Variants in LRRC10B observed in about 807,000 individuals in gnomAD.
LRRC10B encodes the protein leucine rich repeat containing 10B.
For missense variants in LRRC10B, 389 were observed against 436.5 expected (o/e 0.89, Z 0.97); for synonymous variants, 204 against 221.5 (o/e 0.92, Z 0.70).
In LRRC10B at chr11:61,509,099, G is replaced by T; in HGVS notation, c.101G>T (p.Arg34Leu). 3 of 1,512,594 alleles carry T rather than the reference G, an allele frequency of 2.0e-6. No homozygotes were observed. Among genetic ancestry groups the T allele is most frequent in the Non-Finnish European group, 2.6e-6 (3 of 1,138,256 alleles). 93.7% of individuals were successfully genotyped at this position (1,512,594 alleles called of 1,614,324 possible). A position where few individuals can be genotyped will look rare whatever the true frequency, so the allele number is the denominator to read the frequency against. ...CTGGAGCTGAGCGGGCGGCGGTTGC[G>T]GCGGCTGCCCAGCGCAGTGTGCGCG... is the stretch of plus-strand genomic sequence containing the variant. ...QQLELSGRRL[R>L]RLPSAVCALS... The change falls in exon 1 of 1, where the codon CGG becomes CTG. Residue 34 changes from arginine to leucine, a missense_variant. Arg to Leu is a moderately radical substitution (Grantham distance 102). Transcript: ENST00000378075.
Position 61,509,847 on chromosome 11 carries a change from C to T in LRRC10B, c.849C>T (p.Ala283=), listed in dbSNP as rs938151575. The part of the protein sequence containing the change: ...ALGAPGGSFR[A]LEAAPGLGT ...GCGCCCCCGGGGGCAGCTTCCGCGCCCTGGAAGCCGCTCCAGGACTGGGCA... is the reference window on the plus strand; with the variant it reads ...GCGCCCCCGGGGGCAGCTTCCGCGCTCTGGAAGCCGCTCCAGGACTGGGCA... Residue 283 remains alanine, a synonymous_variant, in exon 1 of 1, where the codon GCC becomes GCT. Coordinates refer to ENST00000378075, the MANE Select transcript of LRRC10B (RefSeq NM_001145077.2). 1.3e-6 allele frequency: 2 copies of T among 1,529,410 alleles called. No homozygotes were observed. The highest frequency in any genetic ancestry group is 1.8e-6 in the Non-Finnish European group (2 of 1,140,858). The allele number at this position is 1,529,410 out of a possible 1,614,324, so 94.7% of individuals were successfully genotyped here.
rs2062078177 is a variant in LRRC10B at position 61,510,036 on chromosome 11, C to T, written c.*159C>T. 3 of 681,936 alleles carry T rather than the reference C, an allele frequency of 4.4e-6. No individual in the cohort carries two copies. Among genetic ancestry groups the T allele is most frequent in the Non-Finnish European group, 7.1e-6 (3 of 423,994 alleles). 42.2% of individuals were successfully genotyped at this position (681,936 alleles called of 1,614,324 possible). ...CACAGGCAGGGCTGGGGCTCATCTT[C>T]AGACACTCCTAGGTAGTAAGAGGAC... On this transcript the variant is annotated 3_prime_UTR_variant, in exon 1 of 1. Transcript: ENST00000378075.
chr11:61,509,544 C>G lies in LRRC10B; in HGVS notation c.546C>G (p.Gly182=). 1 of 1,517,716 alleles carries G rather than the reference C, an allele frequency of 6.6e-7. No individual in the cohort carries two copies. The highest frequency in any genetic ancestry group is 1.4e-5 in the African/African-American group (1 of 69,966). 94.0% of individuals were successfully genotyped at this position (1,517,716 alleles called of 1,614,324 possible). A position where few individuals can be genotyped will look rare whatever the true frequency, so the allele number is the denominator to read the frequency against. ...TCCCGCCCGCGCTGCTGCGCATGGGCCGCCTGCACATCCTCGACCTCGACC... is the reference window on the plus strand; with the variant it reads ...TCCCGCCCGCGCTGCTGCGCATGGGGCGCCTGCACATCCTCGACCTCGACC... ...EEFPPALLRM[G]RLHILDLDRN... Residue 182 remains glycine (G), a synonymous_variant, in exon 1 of 1, where the codon GGC becomes GGG. Transcript: ENST00000378075.
chr11:61,508,853 GC>G lies in LRRC10B; in HGVS notation c.-140del. ...GGGTGCCTCCTCCCGGCCCCGCACGGCCCCCCTCCCGGCGCGGGGGAAGGCC... is the reference window on the plus strand; with the variant it reads ...GGGTGCCTCCTCCCGGCCCCGCACGGCCCCCTCCCGGCGCGGGGGAAGGCC... On this transcript the variant is annotated 5_prime_UTR_variant, in exon 1 of 1. Transcript: ENST00000378075. 1 of 526,110 alleles carries G rather than the reference GC, an allele frequency of 1.9e-6. No homozygotes were observed. The highest frequency in any genetic ancestry group is 2.4e-6 in the Non-Finnish European group (1 of 411,986). The allele number at this position is 526,110 out of a possible 1,614,324, so 32.6% of individuals were successfully genotyped here.
chr11:61,509,138 A>G lies in LRRC10B; in HGVS notation c.140A>G (p.Gln47Arg), dbSNP rs758888758. The G allele has an allele frequency of 1.7e-4, 257 of 1,526,046 alleles. No homozygotes were observed. Among genetic ancestry groups the G allele is most frequent in the Non-Finnish European group, 2.1e-4 (238 of 1,143,338 alleles). The allele number at this position is 1,526,046 out of a possible 1,614,324, so 94.5% of individuals were successfully genotyped here. Residue 47 changes from glutamine (Q) to arginine (R), a missense_variant, in exon 1 of 1, where the codon CAG becomes CGG. Gln to Arg is a conservative substitution (Grantham distance 43). Coordinates refer to ENST00000378075, the MANE Select transcript of LRRC10B (RefSeq NM_001145077.2). ...PSAVCALSRL[Q>R]KLYVSGTGLR... ...GCAGTGTGCGCGCTGAGCCGCCTGC[A>G]GAAGCTGTATGTGAGCGGCACGGGG...
Position 61,509,098 on chromosome 11 carries a change from C to T in LRRC10B, c.100C>T (p.Arg34Trp). ...GCTGGAGCTGAGCGGGCGGCGGTTG[C>T]GGCGGCTGCCCAGCGCAGTGTGCGC... ...QQLELSGRRL[R>W]RLPSAVCALS... is the part of the protein sequence containing the mutation. Residue 34 changes from arginine to tryptophan, a missense_variant, in exon 1 of 1, where the codon CGG becomes TGG. Arg to Trp is a moderately radical substitution (Grantham distance 101). Transcript: ENST00000378075. The T allele has an allele frequency of 6.6e-7, 1 of 1,511,886 alleles. No homozygotes were observed. The highest frequency in any genetic ancestry group is 8.8e-7 in the Non-Finnish European group (1 of 1,137,870). The allele number at this position is 1,511,886 out of a possible 1,614,324, so 93.7% of individuals were successfully genotyped here. A position where few individuals can be genotyped will look rare whatever the true frequency, so the allele number is the denominator to read the frequency against.
Position 61,509,141 on chromosome 11 carries a change from A to G in LRRC10B, c.143A>G (p.Lys48Arg). 6.5e-7 allele frequency: 1 copy of G among 1,527,048 alleles called. No homozygotes were observed. The highest frequency in any genetic ancestry group is 1.4e-5 in the African/African-American group (1 of 71,404). 94.6% of individuals were successfully genotyped at this position (1,527,048 alleles called of 1,614,324 possible). Residue 48 changes from lysine (K) to arginine (R), a missense_variant, in exon 1 of 1, where the codon AAG becomes AGG. Lys to Arg is a conservative substitution (Grantham distance 26, BLOSUM62 2). Coordinates refer to ENST00000378075, the MANE Select transcript of LRRC10B (RefSeq NM_001145077.2). ...GTGTGCGCGCTGAGCCGCCTGCAGAAGCTGTATGTGAGCGGCACGGGGCTG... is the reference window on the plus strand; with the variant it reads ...GTGTGCGCGCTGAGCCGCCTGCAGAGGCTGTATGTGAGCGGCACGGGGCTG... ...SAVCALSRLQ[K>R]LYVSGTGLRE... is the part of the protein sequence containing the mutation.
chr11:61,508,984 C>T lies in LRRC10B; in HGVS notation c.-15C>T. 4 of 1,320,014 alleles carry T rather than the reference C, an allele frequency of 3.0e-6. No individual in the cohort carries two copies. The highest frequency in any genetic ancestry group is 3.9e-6 in the Non-Finnish European group (4 of 1,038,868). The allele number at this position is 1,320,014 out of a possible 1,614,324, so 81.8% of individuals were successfully genotyped here. A position where few individuals can be genotyped will look rare whatever the true frequency, so the allele number is the denominator to read the frequency against. ...GCGGTGGCAGTGGCGGCGGCCCCGGCCGGGGCCCGTGACCATGGGCATCGC... is the reference window on the plus strand; with the variant it reads ...GCGGTGGCAGTGGCGGCGGCCCCGGTCGGGGCCCGTGACCATGGGCATCGC... On this transcript the variant is annotated 5_prime_UTR_variant, in exon 1 of 1. Coordinates refer to ENST00000378075, the MANE Select transcript of LRRC10B (RefSeq NM_001145077.2).
rs2134965143 is a variant in LRRC10B, at chr11:61,510,391, G to A, written c.*514G>A. On this transcript the variant is annotated 3_prime_UTR_variant, in exon 1 of 1. Coordinates refer to ENST00000378075, the MANE Select transcript of LRRC10B (RefSeq NM_001145077.2). ...GGCTTGGAGTGGGGCTGGTGCCCGGGACAGAAGTGGGAAATAGATGGGGGC... is the reference window on the plus strand; with the variant it reads ...GGCTTGGAGTGGGGCTGGTGCCCGGAACAGAAGTGGGAAATAGATGGGGGC... 6.0e-6 allele frequency: 1 copy of A among 168,056 alleles called. No homozygotes were observed. The highest frequency in any genetic ancestry group is 2.1e-4 in the South Asian group (1 of 4,864). 10.4% of individuals were successfully genotyped at this position (168,056 alleles called of 1,614,324 possible).
Position 61,509,963 on chromosome 11 carries a change from G to T in LRRC10B, c.*86G>T, listed in dbSNP as rs1231558404. Reference sequence around the variant, plus strand: ...GCTGGTTAGGCCTGCGGGACTGGTGGGTCCCTACTTAGGTCAATGGAACGG... The same window carrying T: ...GCTGGTTAGGCCTGCGGGACTGGTGTGTCCCTACTTAGGTCAATGGAACGG... On this transcript the variant is annotated 3_prime_UTR_variant, in exon 1 of 1. Transcript: ENST00000378075. 1.5e-6 allele frequency: 2 copies of T among 1,349,850 alleles called. No homozygotes were observed. The highest frequency in any genetic ancestry group is 9.7e-7 in the Non-Finnish European group (1 of 1,026,918). 83.6% of individuals were successfully genotyped at this position (1,349,850 alleles called of 1,614,324 possible).
In LRRC10B at chr11:61,509,235, C is replaced by G; in HGVS notation, c.237C>G (p.Leu79=). The part of the protein sequence containing the change: ...LRILALDFNK[L]ERLPDGLCRL... ...TCCTGGCGCTGGACTTCAACAAGCT[C>G]GAGCGACTGCCTGACGGCCTGTGCC... The change falls in exon 1 of 1, where the codon CTC becomes CTG. Residue 79 remains leucine (L), a synonymous_variant. Coordinates refer to ENST00000378075, the MANE Select transcript of LRRC10B (RefSeq NM_001145077.2). The G allele has an allele frequency of 1.3e-6, 2 of 1,530,654 alleles. No homozygotes were observed. The highest frequency in any genetic ancestry group is 2.0e-5 in the Admixed American group (1 of 50,602). The allele number at this position is 1,530,654 out of a possible 1,614,324, so 94.8% of individuals were successfully genotyped here. A position where few individuals can be genotyped will look rare whatever the true frequency, so the allele number is the denominator to read the frequency against.
In LRRC10B at chr11:61,509,984, A is replaced by G. The variant is rs1361835073; in HGVS notation, c.*107A>G. 3 of 1,212,092 alleles carry G rather than the reference A, an allele frequency of 2.5e-6. No homozygotes were observed. Among genetic ancestry groups the G allele is most frequent in the Non-Finnish European group, 3.3e-6 (3 of 906,208 alleles). 75.1% of individuals were successfully genotyped at this position (1,212,092 alleles called of 1,614,324 possible). ...GGTGGGTCCCTACTTAGGTCAATGG[A>G]ACGGCTACTTTTGGCGAGTTGCCGG... On this transcript the variant is annotated 3_prime_UTR_variant, in exon 1 of 1. Transcript: ENST00000378075.
In LRRC10B at chr11:61,508,986, G is replaced by A; in HGVS notation, c.-13G>A. 1 of 1,241,578 alleles carries A rather than the reference G, an allele frequency of 8.1e-7. No homozygotes were observed. 76.9% of individuals were successfully genotyped at this position (1,241,578 alleles called of 1,614,324 possible). On this transcript the variant is annotated 5_prime_UTR_variant, in exon 1 of 1. Coordinates refer to ENST00000378075, the MANE Select transcript of LRRC10B (RefSeq NM_001145077.2). Reference sequence around the variant, plus strand: ...GGTGGCAGTGGCGGCGGCCCCGGCCGGGGCCCGTGACCATGGGCATCGCCG... The same window carrying A: ...GGTGGCAGTGGCGGCGGCCCCGGCCAGGGCCCGTGACCATGGGCATCGCCG...
chr11:61,509,742 GC>G lies in LRRC10B; in HGVS notation c.748del (p.Arg250GlyfsTer17). 6.6e-7 allele frequency: 1 copy of G among 1,521,000 alleles called. No individual in the cohort carries two copies. Among genetic ancestry groups the G allele is most frequent in the South Asian group, 1.2e-5 (1 of 82,372 alleles). The allele number at this position is 1,521,000 out of a possible 1,614,324, so 94.2% of individuals were successfully genotyped here. A position where few individuals can be genotyped will look rare whatever the true frequency, so the allele number is the denominator to read the frequency against. On this transcript the variant is annotated frameshift_variant, in exon 1 of 1. Coordinates refer to ENST00000378075, the MANE Select transcript of LRRC10B (RefSeq NM_001145077.2). LOFTEE classifies it high-confidence loss of function. ...ERDEPTPRPP[P>X]RRPARAFEDE... ...GCGACGAGCCCACGCCCCGGCCTCC[GC>G]CCCGGCGCCCAGCGCGGGCCTTTGA...
chr11:61,510,059 G>C lies in LRRC10B; in HGVS notation c.*182G>C, dbSNP rs2062078288. 2 of 581,336 alleles carry C rather than the reference G, an allele frequency of 3.4e-6. No individual in the cohort carries two copies. Among genetic ancestry groups the C allele is most frequent in the African/African-American group, 4.0e-5 (2 of 50,054 alleles). The allele number at this position is 581,336 out of a possible 1,614,324, so 36.0% of individuals were successfully genotyped here. A position where few individuals can be genotyped will look rare whatever the true frequency, so the allele number is the denominator to read the frequency against. On this transcript the variant is annotated 3_prime_UTR_variant, in exon 1 of 1. Transcript: ENST00000378075. ...TTCAGACACTCCTAGGTAGTAAGAG[G>C]ACTGACTATACCCTGGCTGATCTGT...
In LRRC10B at chr11:61,509,911, T is replaced by G. The variant is rs2062077477; in HGVS notation, c.*34T>G. The G allele has an allele frequency of 6.9e-7, 1 of 1,455,442 alleles. No individual in the cohort carries two copies. The highest frequency in any genetic ancestry group is 3.0e-5 in the Admixed American group (1 of 33,774). The allele number at this position is 1,455,442 out of a possible 1,614,324, so 90.2% of individuals were successfully genotyped here. A position where few individuals can be genotyped will look rare whatever the true frequency, so the allele number is the denominator to read the frequency against. ...TCTGGCTGATGGGCTTCAGCCACTC[T>G]GAGAGGAGGGGCTCTAGGAAGCTTT... On this transcript the variant is annotated 3_prime_UTR_variant, in exon 1 of 1. Coordinates refer to ENST00000378075, the MANE Select transcript of LRRC10B (RefSeq NM_001145077.2).
Position 61,509,190 on chromosome 11 carries a change from GGAGCTGCGC to G in LRRC10B, c.202_210del (p.Glu68_Arg70del). 2 of 1,531,802 alleles carry G rather than the reference GGAGCTGCGC, an allele frequency of 1.3e-6. No individual in the cohort carries two copies. The highest frequency in any genetic ancestry group is 1.7e-6 in the Non-Finnish European group (2 of 1,144,796). 94.9% of individuals were successfully genotyped at this position (1,531,802 alleles called of 1,614,324 possible). ...TGCGCGAGCTGCCGGAGGAGATCGA[GGAGCTGCGC>G]GAGCTGCGCATCCTGGCGCTGGACT... is the stretch of plus-strand genomic sequence containing the variant. On this transcript the variant is annotated inframe_deletion, in exon 1 of 1. Transcript: ENST00000378075.
At position 61,510,022 on chromosome 11, in the gene LRRC10B, C is replaced by T. The variant is rs1251823496; in HGVS notation, c.*145C>T. 1 of 809,914 alleles carries T rather than the reference C, an allele frequency of 1.2e-6. No homozygotes were observed. The highest frequency in any genetic ancestry group is 1.9e-5 in the African/African-American group (1 of 53,946). The allele number at this position is 809,914 out of a possible 1,614,324, so 50.2% of individuals were successfully genotyped here. A position where few individuals can be genotyped will look rare whatever the true frequency, so the allele number is the denominator to read the frequency against. On this transcript the variant is annotated 3_prime_UTR_variant, in exon 1 of 1. Coordinates refer to ENST00000378075, the MANE Select transcript of LRRC10B (RefSeq NM_001145077.2). ...GGCGAGTTGCCGGGCACAGGCAGGG[C>T]TGGGGCTCATCTTCAGACACTCCTA...
Position 61,510,045 on chromosome 11 carries a change from C to T in LRRC10B, c.*168C>T, listed in dbSNP as rs1040150215. ...GGCTGGGGCTCATCTTCAGACACTC[C>T]TAGGTAGTAAGAGGACTGACTATAC... On this transcript the variant is annotated 3_prime_UTR_variant, in exon 1 of 1. Transcript: ENST00000378075. 2 of 636,048 alleles carry T rather than the reference C, an allele frequency of 3.1e-6. No individual in the cohort carries two copies. The highest frequency in any genetic ancestry group is 7.7e-5 in the Admixed American group (2 of 25,814). The allele number at this position is 636,048 out of a possible 1,614,324, so 39.4% of individuals were successfully genotyped here.
Sources: allele counts gnomAD v4.1 joint callset, GRCh38; gene constraint gnomAD v4.1.1; transcripts MANE v1.5; gene names NCBI Gene and HGNC (gene_info 2026-07-23, HGNC 2026-07-21).